The following SCGB2B2 variants were observed in gnomAD, a reference collection of about 807,000 sequenced individuals.
SCGB2B2 encodes the protein secretoglobin-like protein.
In SCGB2B2, 11 loss-of-function variants were observed where a neutral mutation model predicts 7.6. The ratio of observed to expected loss-of-function variants is 1.45; its 90% CI spans 0.91 to 2.40. The LOEUF is 2.40. Ranked by LOEUF, SCGB2B2 falls within the 30% of genes most tolerant of loss-of-function variation. SCGB2B2 has a pLI of 0.00. For synonymous variants in SCGB2B2, 50 were observed against 48.6 expected, an observed-to-expected ratio of 1.03 and a Z score of -0.12; for missense variants, 104 against 115.4, an observed-to-expected ratio of 0.90 and a Z score of 0.45.
intron 1 of SCGB2B2, among the ~76,000 whole-genome samples, chr19:34,629,750 C>A (rs1163362429): frequency 3.3e-5 from 5 of 151,990 alleles, no homozygotes; most frequent in Non-Finnish European, 7.4e-5. Flanking sequence ...ACTTTCTTCA[C>A]AGAATTGGAA....
chr19:34,648,964 G>A (rs1461008694), intron 1 of SCGB2B2, among the ~76,000 whole-genome samples: 1 of 152,058 alleles, frequency 6.6e-6, no homozygotes, highest in African/African-American at 2.4e-5. Context: ...GTGCAGTGGT[G>A]CGATCTCAAC....
At chr19:34,608,660 C>CATATATATATATATATTTATATAT (rs2065844442) in intron 1 of SCGB2B2, 1 of 87,244 alleles carries the variant, frequency 1.1e-5, no homozygotes, top group South Asian at 4.3e-4. Context: ...TGTCTCATTG[C>CATATATATATATATATTTATATAT]ATATATATAT....
chr19:34,629,280 C>A (rs959243212), intron 1 of SCGB2B2, among the ~76,000 whole-genome samples: 9 of 151,830 alleles, frequency 5.9e-5, no homozygotes, highest in African/African-American at 1.9e-4. Flanking sequence ...GGCAATCAGG[C>A]AGAAGAAAGA....
intron 1 of SCGB2B2, among the ~76,000 whole-genome samples, chr19:34,625,929 G>A (rs2066363624): frequency 6.6e-6 from 1 of 152,190 alleles, no homozygotes; most frequent in South Asian, 2.1e-4. Context: ...AACTTTCAGA[G>A]GAACGATCAG....
At chr19:34,648,599 G>C (rs1294010228) in intron 1 of SCGB2B2, among the ~76,000 whole-genome samples, 1 of 151,606 alleles carries the variant, frequency 6.6e-6, no homozygotes, top group Non-Finnish European at 1.5e-5. Flanking sequence ...GCCAAGCTAT[G>C]CTTTTTAAAT....
At position 34,591,207 on chromosome 19, in the gene SCGB2B2, C is replaced by T. The variant is rs563542840; in HGVS notation, c.*2348G>A. Among the ~76,000 whole-genome samples, 7 of 152,354 alleles carry T rather than the reference C, an allele frequency of 4.6e-5. No homozygotes were observed. In the East Asian group the frequency reaches 1.4e-3, roughly 29 times the overall value. On this transcript the variant is annotated 3_prime_UTR_variant, in exon 4 of 4. Transcript: ENST00000601241. ...GATGTGGGAAACTTATCCAGGCCAG[C>T]ATGGGACTCTGGATCTTTGCCCTAA...
chr19:34,615,769 T>C (rs2066057749), intron 1 of SCGB2B2, among the ~76,000 whole-genome samples: 1 of 152,026 alleles, frequency 6.6e-6, no homozygotes, highest in Non-Finnish European at 1.5e-5. Flanking sequence ...TATGTATACA[T>C]GTGCCATGCT....
intron 1 of SCGB2B2, among the ~76,000 whole-genome samples, chr19:34,671,527 G>A (rs1664038862): frequency 6.6e-6 from 1 of 151,906 alleles, no homozygotes; most frequent in Admixed American, 6.6e-5. Context: ...AGCATCGTGG[G>A]ATTTTGATTG....
intron 1 of SCGB2B2, among the ~76,000 whole-genome samples, chr19:34,630,862 C>T (rs1449362461): frequency 6.6e-6 from 1 of 151,852 alleles, no homozygotes; most frequent in Non-Finnish European, 1.5e-5. Flanking sequence ...TTGGAACCAA[C>T]CCAAATGTCC....
chr19:34,668,304 G>T (rs2067696652), intron 1 of SCGB2B2, among the ~76,000 whole-genome samples: 1 of 152,200 alleles, frequency 6.6e-6, no homozygotes, highest in Non-Finnish European at 1.5e-5. Context: ...GGCCGGCCCT[G>T]CCTGCCCGGG....
At chr19:34,645,209 C>T (rs141672666) in intron 1 of SCGB2B2, among the ~76,000 whole-genome samples, 428 of 152,296 alleles carry the variant, frequency 2.8e-3, no homozygotes, top group African/African-American at 9.5e-3. Flanking sequence ...AGCCTGGACT[C>T]GGTGGCAGAT....
rs11670385 is a variant in SCGB2B2 at position 34,676,056 on chromosome 19, C to G, written c.-2458G>C. On this transcript the variant is annotated 5_prime_UTR_variant, in exon 1 of 4. Coordinates refer to ENST00000601241, the MANE Select transcript of SCGB2B2 (RefSeq NM_001025591.4). The stretch of plus-strand genomic sequence containing the variant: ...CGGTTGCCGCTGGTTGTTCGGGTGG[C>G]CCGTTTTTATTCCCTTATTTGGCCC... 6.6e-6 allele frequency: 1 copy of G among 152,000 alleles called. No individual in the cohort carries two copies. Among genetic ancestry groups the G allele is most frequent in the Non-Finnish European group, 1.5e-5 (1 of 68,028 alleles). The allele number at this position is 152,000 out of a possible 1,614,324, so 9.4% of individuals were successfully genotyped here. A position where few individuals can be genotyped will look rare whatever the true frequency, so the allele number is the denominator to read the frequency against.
At chr19:34,637,149 G>A (rs2066705090) in intron 1 of SCGB2B2, among the ~76,000 whole-genome samples, 1 of 152,176 alleles carries the variant, frequency 6.6e-6, no homozygotes, top group South Asian at 2.1e-4. Context: ...AGGGAAGGGG[G>A]CAGAATTGGG....
chr19:34,647,338 G>C (rs1369348081), intron 1 of SCGB2B2, among the ~76,000 whole-genome samples: 1 of 152,116 alleles, frequency 6.6e-6, no homozygotes, highest in African/African-American at 2.4e-5. Context: ...CTCCCTCTGG[G>C]GAAGGTCCCT....
At chr19:34,671,596 G>A (rs564349582) in intron 1 of SCGB2B2, among the ~76,000 whole-genome samples, 44 of 152,182 alleles carry the variant, frequency 2.9e-4, no homozygotes, top group Non-Finnish European at 1.6e-4. Context: ...ACAATATTGA[G>A]TGTTCTAATC....
chr19:34,663,121 G>A (rs184803798), intron 1 of SCGB2B2, among the ~76,000 whole-genome samples: 4 of 152,336 alleles, frequency 2.6e-5, no homozygotes, highest in Admixed American at 6.5e-5. Flanking sequence ...TGGTTCACAC[G>A]ACACTGACAA....
At position 34,593,528 on chromosome 19, in the gene SCGB2B2, A is replaced by C; in HGVS notation, c.*27T>G. The C allele has an allele frequency of 1.3e-6, 2 of 1,537,838 alleles. No individual in the cohort carries two copies. The highest frequency in any genetic ancestry group is 1.4e-5 in the African/African-American group (1 of 72,800). ...GAGCCCCAAGGAAGGCAGGAGGGCC[A>C]ATATCTGATCTGCAGGGGTCCTCAG... On this transcript the variant is annotated 3_prime_UTR_variant, in exon 4 of 4. Transcript: ENST00000601241.
chr19:34,665,764 G>A lies in SCGB2B2; in HGVS notation c.-2032+9866C>T, dbSNP rs577548182. On this transcript the variant is annotated intron_variant, in intron 1 of 3. Coordinates refer to ENST00000601241, the MANE Select transcript of SCGB2B2 (RefSeq NM_001025591.4). ...CCCACCACTGAGCATGTCCCTCCCA[G>A]GACAAAGCAGGTCAGAGCCACAGGC... 1.5e-4 allele frequency among the ~76,000 whole-genome samples: 23 copies of A among 152,198 alleles called. No homozygotes were observed. The East Asian group carries it at 4.3e-3, about 28-fold the overall frequency.
At chr19:34,630,020 C>G (rs1326973900) in intron 1 of SCGB2B2, among the ~76,000 whole-genome samples, 1 of 151,856 alleles carries the variant, frequency 6.6e-6, no homozygotes, top group African/African-American at 2.4e-5. Flanking sequence ...GGAAAGGATT[C>G]CCTATTTAAT....
Sources: gnomAD v4.1 joint callset for allele counts (sites outside exome capture counted in the v4.1 genomes callset) on GRCh38, gnomAD v4.1.1 for gene constraint, MANE v1.5 for transcripts, NCBI Gene and HGNC (gene_info 2026-07-23, HGNC 2026-07-21) for gene names.